The following NIBAN2 variants were observed in gnomAD, a reference collection of about 807,000 sequenced individuals.
NIBAN2 encodes protein Niban 2.
In NIBAN2, 36 loss-of-function variants were observed where a neutral mutation model predicts 81.8. The observed-to-expected ratio is 0.44, with a 90% CI of 0.34 to 0.58. NIBAN2 has a LOEUF of 0.58. NIBAN2 is among the 20% of genes least tolerant of loss of function. The probability of loss-of-function intolerance (pLI) is 0.02; values close to 1 mark genes in which losing one functional copy is unlikely to be tolerated. For synonymous variants in NIBAN2, 445 were observed against 441.6 expected (o/e 1.01, Z -0.10); for missense variants, 897 against 1,014.1 (o/e 0.88, Z 1.57).
chr9:127,523,185 AAAAAAAAATATATATATATATATATAT>A (rs1836978945), intron 5 of NIBAN2, among the ~76,000 whole-genome samples: 2 of 32,864 alleles, frequency 6.1e-5, no homozygotes, highest in Non-Finnish European at 5.3e-5. Context: ...AAAAAAAAAA[AAAAAAAAATATATATATATATATATAT>A]ATATATATAT....
At chr9:127,557,578 G>A (rs560284488) in intron 1 of NIBAN2, among the ~76,000 whole-genome samples, 5 of 152,348 alleles carry the variant, frequency 3.3e-5, no homozygotes, top group African/African-American at 7.2e-5. Flanking sequence ...AGCCTGCAGG[G>A]CAGGCACCAG....
intron 1 of NIBAN2, among the ~76,000 whole-genome samples, chr9:127,548,059 TGCTCATGGC>T (rs1406867574): frequency 6.6e-6 from 1 of 152,122 alleles, no homozygotes; most frequent in East Asian, 1.9e-4. Context: ...CTCTCATCAG[TGCTCATGGC>T]AGTTCTCTGT....
chr9:127,571,497 A>G (rs61676935), upstream of NIBAN2, among the ~76,000 whole-genome samples: 7,005 of 152,226 alleles, frequency 0.046, 228 homozygotes, highest in African/African-American at 0.084. Flanking sequence ...GGAGTCTGAG[A>G]CCAGTCTGGC....
intron 1 of NIBAN2, among the ~76,000 whole-genome samples, chr9:127,566,377 C>T (rs866799098): frequency 9.9e-5 from 15 of 152,260 alleles, no homozygotes; most frequent in Admixed American, 2.0e-4. Flanking sequence ...TTCTTCCTCA[C>T]GGCACACTGC....
At position 127,507,393 on chromosome 9, in the gene NIBAN2, AGAG is replaced by A; in HGVS notation, c.1690_1692del (p.Leu564del). The A allele has an allele frequency of 6.6e-7, 1 of 1,520,350 alleles. No homozygotes were observed. Among genetic ancestry groups the A allele is most frequent in the East Asian group, 2.3e-5 (1 of 43,952 alleles). The allele number at this position is 1,520,350 out of a possible 1,614,324, so 94.2% of individuals were successfully genotyped here. A position where few individuals can be genotyped will look rare whatever the true frequency, so the allele number is the denominator to read the frequency against. ...TTGTGCATGACCATGCTGTCCCGGT[AGAG>A]GTTGTGCTTCCTCTGCACCGCGGCC... is the stretch of plus-strand genomic sequence containing the variant. On this transcript the variant is annotated inframe_deletion, in exon 14 of 14. Coordinates refer to ENST00000373312, the MANE Select transcript of NIBAN2 (RefSeq NM_022833.4). The surrounding 1 kb of genome is among the most constrained non-coding windows in gnomAD (Gnocchi z 6.8).
chr9:127,551,950 C>T (rs77661127), intron 1 of NIBAN2, among the ~76,000 whole-genome samples: 3,497 of 152,286 alleles, frequency 0.023, 140 homozygotes, highest in African/African-American at 0.079. Flanking sequence ...GCTCAGCCAG[C>T]AGCAGGTGCA....
intron 5 of NIBAN2, among the ~76,000 whole-genome samples, chr9:127,519,747 G>C (rs532720689): frequency 6.6e-6 from 1 of 152,370 alleles, no homozygotes; most frequent in South Asian, 2.1e-4. Flanking sequence ...ACAGGAGCAG[G>C]GCAGGGATGT....
chr9:127,563,305 C>T lies in NIBAN2; in HGVS notation c.55+5515G>A, dbSNP rs1837804421. On this transcript the variant is annotated intron_variant, in intron 1 of 13. Transcript: ENST00000373312. The surrounding 1 kb of genome is among the most constrained non-coding windows in gnomAD (Gnocchi z 4.1). ...TGTTATATAAGACCCAACAGAGAGA[C>T]AGCATCATCCCCAGACACTTCGCCC... is the stretch of plus-strand genomic sequence containing the variant. Among the ~76,000 whole-genome samples, 1 of 152,248 alleles carries T rather than the reference C, an allele frequency of 6.6e-6. No individual in the cohort carries two copies. The highest frequency in any genetic ancestry group is 1.5e-5 in the Non-Finnish European group (1 of 68,032).
intron 2 of NIBAN2, among the ~76,000 whole-genome samples, chr9:127,528,492 C>G (rs1179400366): frequency 1.3e-5 from 2 of 152,158 alleles, no homozygotes; most frequent in Non-Finnish European, 2.9e-5. Flanking sequence ...CTTCCTGGCT[C>G]TGCGCTGGCC....
At chr9:127,514,435 C>T (rs914053797) in intron 8 of NIBAN2, among the ~76,000 whole-genome samples, 1 of 152,012 alleles carries the variant, frequency 6.6e-6, no homozygotes, top group Non-Finnish European at 1.5e-5. Flanking sequence ...CTACTATGTA[C>T]CCACAAAAAT....
At chr9:127,557,376 A>C (rs931131230) in intron 1 of NIBAN2, among the ~76,000 whole-genome samples, 9 of 151,730 alleles carry the variant, frequency 5.9e-5, no homozygotes, top group Admixed American at 5.2e-4. Context: ...CTTGGAGGAG[A>C]GGCAGGAGTT....
intron 1 of NIBAN2, among the ~76,000 whole-genome samples, chr9:127,567,961 CAG>C (rs1185613108): frequency 1.3e-5 from 2 of 152,184 alleles, no homozygotes; most frequent in Admixed American, 1.3e-4. Context: ...AGAGATCGGC[CAG>C]AGAGGAGTTT....
chr9:127,510,056 C>T lies in NIBAN2; in HGVS notation c.1161+90G>A, dbSNP rs935810225. 32 of 1,282,394 alleles carry T rather than the reference C, an allele frequency of 2.5e-5. No homozygotes were observed. In the South Asian group the frequency reaches 3.4e-4, roughly 14 times the overall value. 79.4% of individuals were successfully genotyped at this position (1,282,394 alleles called of 1,614,324 possible). A position where few individuals can be genotyped will look rare whatever the true frequency, so the allele number is the denominator to read the frequency against. On this transcript the variant is annotated intron_variant, in intron 9 of 13. Coordinates refer to ENST00000373312, the MANE Select transcript of NIBAN2 (RefSeq NM_022833.4). ...CTACAGGGACGGCCTTGGAGGGGAACGGCTGCCCGGAGTCACGCAGCCGGG... is the reference window on the plus strand; with the variant it reads ...CTACAGGGACGGCCTTGGAGGGGAATGGCTGCCCGGAGTCACGCAGCCGGG...
chr9:127,533,412 G>A (rs1172478806), intron 1 of NIBAN2, among the ~76,000 whole-genome samples: 7 of 152,170 alleles, frequency 4.6e-5, no homozygotes, highest in Non-Finnish European at 1.0e-4. Flanking sequence ...AGCCGAGATC[G>A]TGCCACTGCA....
intron 2 of NIBAN2, among the ~76,000 whole-genome samples, chr9:127,528,354 G>A (rs1256446936): frequency 6.6e-6 from 1 of 152,188 alleles, no homozygotes; most frequent in Non-Finnish European, 1.5e-5. Flanking sequence ...GGGAACCCAG[G>A]AGAGTACAGT....
At chr9:127,571,426 A>G (rs1252748029), upstream of NIBAN2, among the ~76,000 whole-genome samples, 4 of 152,152 alleles carry the variant, frequency 2.6e-5, no homozygotes, top group Non-Finnish European at 4.4e-5. Context: ...GGCCGGGCGC[A>G]ATGGCTCACG....
chr9:127,568,723 A>G (rs1431543687), intron 1 of NIBAN2, 97 bp downstream of exon 1: 1 of 1,076,864 alleles, frequency 9.3e-7, no homozygotes, highest in African/African-American at 1.7e-5. Flanking sequence ...GACTCCCCCG[A>G]GCCCCCGGCC....
intron 1 of NIBAN2, among the ~76,000 whole-genome samples, chr9:127,535,997 A>G (rs989990207): frequency 6.6e-6 from 1 of 152,166 alleles, no homozygotes; most frequent in Non-Finnish European, 1.5e-5. Flanking sequence ...GACGGAGCCC[A>G]GGCAGCACCG....
chr9:127,513,004 G>A (rs554711141), intron 8 of NIBAN2, among the ~76,000 whole-genome samples: 11 of 152,216 alleles, frequency 7.2e-5, no homozygotes, highest in Admixed American at 1.3e-4. Flanking sequence ...AAGAAAATGC[G>A]GTACATATAC....
Sources: gnomAD v4.1 joint callset for allele counts (sites outside exome capture counted in the v4.1 genomes callset) on GRCh38, gnomAD v4.1.1 for gene constraint, Gnocchi (gnomAD v3.1) non-coding constraint, MANE v1.5 for transcripts, NCBI Gene and HGNC (gene_info 2026-07-23, HGNC 2026-07-21) for gene names.